Variants in ELMOD1 observed in about 807,000 individuals in gnomAD.
ELMOD1 encodes ELMO domain containing 1.
A neutral mutation model predicts 46.7 loss-of-function variants in ELMOD1; 21 were observed. That is an observed-to-expected ratio of 0.45 (90% CI 0.32 to 0.65). ELMOD1 has a LOEUF of 0.65. ELMOD1 is among the 30% of genes least tolerant of loss of function. ELMOD1 has a pLI of 0.04. For synonymous variants in ELMOD1, 122 were observed against 138.2 expected (o/e 0.88, Z 0.82); for missense variants, 348 against 407.8 (o/e 0.85, Z 1.26).
chr11:107,620,858 G>A (rs930789827), intron 2 of ELMOD1, among the ~76,000 whole-genome samples: 5 of 152,078 alleles, frequency 3.3e-5, no homozygotes, highest in South Asian at 2.1e-4. Context: ...GCGAGACTCC[G>A]TCTCAAAAAC....
intron 2 of ELMOD1, among the ~76,000 whole-genome samples, chr11:107,622,656 C>A (rs1210680460): frequency 1.3e-5 from 2 of 152,182 alleles, no homozygotes; most frequent in Non-Finnish European, 2.9e-5. Flanking sequence ...ACAAGTTAGT[C>A]AAACTTTTTA....
Position 107,635,776 on chromosome 11 carries a change from G to C in ELMOD1, c.420+11G>C. 6.2e-7 allele frequency: 1 copy of C among 1,610,034 alleles called. No homozygotes were observed. The highest frequency in any genetic ancestry group is 8.5e-7 in the Non-Finnish European group (1 of 1,177,758). Reference sequence around the variant, plus strand: ...GAAATGCTTTTGAAGGTTAGTGCTTGAACACATTTCGGTTCTTCCTCTAAG... The same window carrying C: ...GAAATGCTTTTGAAGGTTAGTGCTTCAACACATTTCGGTTCTTCCTCTAAG... On this transcript the variant is annotated intron_variant, in intron 6 of 11. Transcript: ENST00000265840.
intron 6 of ELMOD1, among the ~76,000 whole-genome samples, chr11:107,641,121 G>T (rs1361639995): frequency 6.6e-6 from 1 of 151,958 alleles, no homozygotes; most frequent in South Asian, 2.1e-4. Context: ...GTGAAACACC[G>T]TCTCTACCAA....
intron 1 of ELMOD1, among the ~76,000 whole-genome samples, chr11:107,602,685 G>T (rs978965657): frequency 6.8e-6 from 1 of 147,308 alleles, no homozygotes; most frequent in Non-Finnish European, 1.5e-5. Context: ...TGTTTTAATA[G>T]TTTTCTTGTC....
At chr11:107,595,818 G>A (rs1473973786) in intron 1 of ELMOD1, among the ~76,000 whole-genome samples, 6 of 152,010 alleles carry the variant, frequency 3.9e-5, no homozygotes, top group African/African-American at 1.4e-4. Context: ...CCTAATCTCA[G>A]TATCTATAAA....
chr11:107,655,533 A>G (rs1472004342), intron 10 of ELMOD1, among the ~76,000 whole-genome samples: 4 of 150,798 alleles, frequency 2.7e-5, no homozygotes, highest in African/African-American at 9.7e-5. Context: ...CTGATAATTT[A>G]ATAGTAAGTT....
intron 9 of ELMOD1, 56 bp from the exon 10 acceptor site, chr11:107,654,116 C>T (rs1174455663): frequency 5.6e-6 from 8 of 1,416,460 alleles, no homozygotes; most frequent in Admixed American, 2.0e-5. Flanking sequence ...TAAAAGAGAA[C>T]AAGTACCAAT....
chr11:107,659,063 A>G (rs533156138), intron 11 of ELMOD1, among the ~76,000 whole-genome samples: 2 of 152,346 alleles, frequency 1.3e-5, no homozygotes, highest in South Asian at 4.1e-4. Context: ...AAATAAGGCA[A>G]TGGTGGCTGA....
intron 6 of ELMOD1, among the ~76,000 whole-genome samples, chr11:107,641,686 A>G (rs1452598653): frequency 6.6e-6 from 1 of 152,194 alleles, no homozygotes; most frequent in Non-Finnish European, 1.5e-5. Flanking sequence ...AATCCTGTCC[A>G]AGTATGCTAG....
intron 8 of ELMOD1, among the ~76,000 whole-genome samples, chr11:107,650,631 T>C (rs1866510216): frequency 6.6e-6 from 1 of 152,148 alleles, no homozygotes; most frequent in Non-Finnish European, 1.5e-5. Context: ...TTAAAGGGAC[T>C]GATAGAGTCA....
chr11:107,666,487 C>T lies in ELMOD1; in HGVS notation c.*1290C>T, dbSNP rs950514289. On this transcript the variant is annotated 3_prime_UTR_variant, in exon 12 of 12. Transcript: ENST00000265840. ...ACTCTGCGATATTTCTTGAAAATAA[C>T]GACCTTGTCTTGTATCAGTGGAAGA... The T allele has an allele frequency of 5.2e-5, 8 of 152,694 alleles. No individual in the cohort carries two copies. Among genetic ancestry groups the T allele is most frequent in the Admixed American group, 1.3e-4 (2 of 15,300 alleles). The allele number at this position is 152,694 out of a possible 1,614,324, so 9.5% of individuals were successfully genotyped here.
chr11:107,607,052 A>C (rs1011567848), intron 1 of ELMOD1, among the ~76,000 whole-genome samples: 1 of 152,172 alleles, frequency 6.6e-6, no homozygotes, highest in Non-Finnish European at 1.5e-5. Flanking sequence ...ATAAATACAG[A>C]ATAGCGTCCT....
chr11:107,662,775 A>T (rs1165048889), intron 11 of ELMOD1, among the ~76,000 whole-genome samples: 1 of 151,806 alleles, frequency 6.6e-6, no homozygotes, highest in Non-Finnish European at 1.5e-5. Flanking sequence ...AAATACAAAA[A>T]TGAGCCAGGC....
intron 5 of ELMOD1, among the ~76,000 whole-genome samples, chr11:107,633,228 C>CT (rs560018596): frequency 1.3e-3 from 193 of 152,068 alleles, no homozygotes; most frequent in African/African-American, 4.6e-3. Flanking sequence ...ATTCTAGTGC[C>CT]TTTTTTACAG....
chr11:107,621,590 A>G (rs1426597665), intron 2 of ELMOD1, among the ~76,000 whole-genome samples: 2 of 152,166 alleles, frequency 1.3e-5, no homozygotes, highest in Non-Finnish European at 2.9e-5. Flanking sequence ...GAGGACAAGG[A>G]GGCTTAGTAA....
intron 11 of ELMOD1, 76 bp from the exon 12 acceptor site, chr11:107,664,949 G>A: frequency 7.2e-7 from 1 of 1,384,546 alleles, no homozygotes; most frequent in Non-Finnish European, 9.9e-7. Context: ...ATCTTCCTCA[G>A]CATTCAGAAT....
intron 1 of ELMOD1, among the ~76,000 whole-genome samples, chr11:107,595,990 A>C (rs1330435367): frequency 6.6e-6 from 1 of 152,072 alleles, no homozygotes. Flanking sequence ...AAGGCAAAAT[A>C]ATTGTGGCAA....
chr11:107,623,118 C>G (rs1865980029), intron 2 of ELMOD1, among the ~76,000 whole-genome samples: 1 of 152,004 alleles, frequency 6.6e-6, no homozygotes, highest in Non-Finnish European at 1.5e-5. Context: ...AATGCTATCC[C>G]TCCCCGATTC....
At chr11:107,650,799 T>C (rs918202785) in intron 8 of ELMOD1, 86 bp from the exon 9 acceptor site, 22 of 911,194 alleles carry the variant, frequency 2.4e-5, no homozygotes, top group South Asian at 3.6e-5. Context: ...AAGGCTTTTT[T>C]TTTCTTTCTT....
Sources: allele counts gnomAD v4.1 joint callset (sites outside exome capture counted in the v4.1 genomes callset), GRCh38; gene constraint gnomAD v4.1.1; transcripts MANE v1.5; gene names NCBI Gene and HGNC (gene_info 2026-07-23, HGNC 2026-07-21).